The following NAALADL2 variants were observed in gnomAD, a reference collection of about 807,000 sequenced individuals.
NAALADL2 encodes the protein N-acetylated alpha-linked acidic dipeptidase like 2.
A neutral mutation model predicts 87.2 loss-of-function variants in NAALADL2; 76 were observed. The observed-to-expected ratio is 0.87, with a 90% CI of 0.72 to 1.05. The LOEUF (loss-of-function observed/expected upper bound fraction) is 1.05, where lower values mean the gene tolerates loss of function less well. Among genes scored for constraint, NAALADL2 ranks in the 50% least tolerant of loss-of-function variants. The probability of loss-of-function intolerance (pLI) is 0.00; values close to 1 mark genes in which losing one functional copy is unlikely to be tolerated. For synonymous variants in NAALADL2, 354 were observed against 331.0 expected (o/e 1.07, Z -0.75); for missense variants, 1,089 against 945.8 (o/e 1.15, Z -1.99).
chr3:175,631,450 C>T (rs952923092), intron 11 of NAALADL2, among the ~76,000 whole-genome samples: 9 of 139,040 alleles, frequency 6.5e-5, no homozygotes, highest in Admixed American at 3.6e-4. Context: ...CCCTGTAGTT[C>T]TTTTTTTTTT....
intron 9 of NAALADL2, among the ~76,000 whole-genome samples, chr3:175,518,894 T>A (rs1428294137): frequency 6.6e-6 from 1 of 152,342 alleles, no homozygotes; most frequent in South Asian, 2.1e-4. Context: ...ACAAATTGTT[T>A]TAATATGTAT....
At chr3:175,431,113 T>C (rs1450632317) in intron 5 of NAALADL2, among the ~76,000 whole-genome samples, 3 of 152,114 alleles carry the variant, frequency 2.0e-5, no homozygotes, top group African/African-American at 7.2e-5. Flanking sequence ...TGCTTTCATA[T>C]GATTAATATT....
intron 1 of NAALADL2, among the ~76,000 whole-genome samples, chr3:175,081,852 T>TTC (rs1424082388): frequency 1.3e-5 from 2 of 152,214 alleles, no homozygotes; most frequent in Non-Finnish European, 2.9e-5. Context: ...GGTTTATATT[T>TTC]TCATGACTCT....
intron 2 of NAALADL2, among the ~76,000 whole-genome samples, chr3:174,736,671 C>T (rs758997280): frequency 4.3e-4 from 65 of 152,210 alleles, no homozygotes; most frequent in Admixed American, 1.7e-3. Context: ...GGCAGCCTTT[C>T]GTCGGCCTGG....
rs185790091 is a variant in NAALADL2 at position 175,207,705 on chromosome 3, A to G, written c.546-26226A>G. ...TTTAGTGTTCCAGTGTTGAGTGTTG[A>G]AGACACATTAAGCCGAGTAAAGCTT... On this transcript the variant is annotated intron_variant, in intron 2 of 13. Coordinates refer to ENST00000454872, the MANE Select transcript of NAALADL2 (RefSeq NM_207015.3). Among the ~76,000 whole-genome samples, 94 of 152,244 alleles carry G rather than the reference A, an allele frequency of 6.2e-4. 1 individual carries two copies. Among genetic ancestry groups the G allele is most frequent in the South Asian group, 4.1e-4 (2 of 4,828 alleles).
In NAALADL2 at chr3:175,806,460, G is replaced by A. The variant is rs1455756149; in HGVS notation, c.*3257G>A. On this transcript the variant is annotated 3_prime_UTR_variant, in exon 14 of 14. Transcript: ENST00000454872. ...GTCTGTTACACACACTGAAGTTTAA[G>A]AATTTCCAATCTACGTTAATCGTAG... 6.6e-6 allele frequency: 1 copy of A among 151,874 alleles called. No homozygotes were observed. The highest frequency in any genetic ancestry group is 1.5e-5 in the Non-Finnish European group (1 of 67,888). 9.4% of individuals were successfully genotyped at this position (151,874 alleles called of 1,614,324 possible).
At chr3:174,925,763 G>T (rs559682046) in intron 1 of NAALADL2, among the ~76,000 whole-genome samples, 11 of 152,190 alleles carry the variant, frequency 7.2e-5, no homozygotes, top group African/African-American at 2.6e-4. Context: ...GCTGTGGTTT[G>T]TAGTTCTCCT....
upstream of NAALADL2, among the ~76,000 whole-genome samples, chr3:174,855,826 A>T (rs1173524203): frequency 1.5e-4 from 22 of 149,386 alleles, no homozygotes; most frequent in Non-Finnish European, 2.1e-4. Flanking sequence ...ACACATGTAT[A>T]TGTCTCATAT....
chr3:175,515,796 A>AT (rs1731756382), intron 9 of NAALADL2, among the ~76,000 whole-genome samples: 1 of 151,900 alleles, frequency 6.6e-6, no homozygotes, highest in African/African-American at 2.4e-5. Flanking sequence ...TTGTTTCTCT[A>AT]TTTTTTTCCT....
intron 5 of NAALADL2, among the ~76,000 whole-genome samples, chr3:175,360,236 C>T (rs1365113244): frequency 6.6e-6 from 1 of 152,038 alleles, no homozygotes; most frequent in East Asian, 1.9e-4. Flanking sequence ...TTTCAATTTT[C>T]TAAAAGTTCC....
At position 174,679,913 on chromosome 3, in the gene NAALADL2, C is replaced by A. The variant is rs145329215; in HGVS notation, c.-114-57728C>A. On this transcript the variant is annotated intron_variant, in intron 2 of 3. Coordinates refer to the NAALADL2 transcript ENST00000434257. Reference sequence around the variant, plus strand: ...AATGTTTTGTTGAAATATGTACTTACAATTATGATTCTTATCTTTGAAAAG... The same window carrying A: ...AATGTTTTGTTGAAATATGTACTTAAAATTATGATTCTTATCTTTGAAAAG... Among the ~76,000 whole-genome samples, 1,358 of 152,188 alleles carry A rather than the reference C, an allele frequency of 8.9e-3. 14 individuals are homozygous for A. The highest frequency in any genetic ancestry group is 0.031 in the African/African-American group (1,290 of 41,522).
chr3:175,041,903 A>G (rs996581138), intron 1 of NAALADL2, among the ~76,000 whole-genome samples: 4 of 152,096 alleles, frequency 2.6e-5, no homozygotes, highest in Non-Finnish European at 5.9e-5. Context: ...TACATCTATC[A>G]CCTTACATGC....
chr3:175,027,137 T>A (rs902300556), intron 1 of NAALADL2, among the ~76,000 whole-genome samples: 2 of 152,106 alleles, frequency 1.3e-5, no homozygotes, highest in African/African-American at 2.4e-5. Flanking sequence ...TACACACGTA[T>A]ACACCCACAC....
intron 5 of NAALADL2, among the ~76,000 whole-genome samples, chr3:175,437,725 A>G (rs1481539997): frequency 1.3e-5 from 2 of 151,922 alleles, no homozygotes; most frequent in African/African-American, 4.8e-5. Flanking sequence ...AGTAACCAAA[A>G]CAGCATGGTA....
At chr3:175,651,994 C>CT (rs947299291) in intron 11 of NAALADL2, among the ~76,000 whole-genome samples, 47 of 152,260 alleles carry the variant, frequency 3.1e-4, no homozygotes, top group Admixed American at 5.2e-4. Flanking sequence ...AAGCCGTATT[C>CT]TTTTTTTATT....
At chr3:175,411,084 C>T (rs1391930838) in intron 5 of NAALADL2, among the ~76,000 whole-genome samples, 4 of 151,786 alleles carry the variant, frequency 2.6e-5, no homozygotes, top group African/African-American at 7.3e-5. Context: ...AAGCTCTGGA[C>T]GAGAGTGATT....
chr3:175,000,705 T>C (rs1748111436), intron 1 of NAALADL2, among the ~76,000 whole-genome samples: 1 of 152,220 alleles, frequency 6.6e-6, no homozygotes, highest in African/African-American at 2.4e-5. Context: ...AGTACTAAAA[T>C]CAGATTTCAG....
chr3:175,181,537 C>G (rs1736471253), intron 2 of NAALADL2, among the ~76,000 whole-genome samples: 1 of 151,406 alleles, frequency 6.6e-6, no homozygotes, highest in East Asian at 1.9e-4. Flanking sequence ...AATAGTTTTA[C>G]ATTTCACATG....
chr3:174,821,796 A>G (rs1351685929), intron 3 of NAALADL2, among the ~76,000 whole-genome samples: 1 of 152,140 alleles, frequency 6.6e-6, no homozygotes, highest in East Asian at 1.9e-4. Context: ...TAATTTATTT[A>G]TTTATGGGTT....
Sources: gnomAD v4.1 joint callset for allele counts (sites outside exome capture counted in the v4.1 genomes callset) on GRCh38, gnomAD v4.1.1 for gene constraint, MANE v1.5 for transcripts, NCBI Gene and HGNC (gene_info 2026-07-23, HGNC 2026-07-21) for gene names.